DOK6: variants seen among roughly 807,000 people sequenced by gnomAD.
DOK6 encodes downstream of tyrosine kinase 6.
A neutral mutation model predicts 44.0 loss-of-function variants in DOK6; 22 were observed. The observed-to-expected ratio is 0.50, with a 90% CI of 0.36 to 0.71. The LOEUF (loss-of-function observed/expected upper bound fraction) is 0.71. Ranked by LOEUF, DOK6 falls within the 30% of genes least tolerant of loss-of-function variation. The pLI is 0.00. For synonymous variants in DOK6, 166 were observed against 145.5 expected, an observed-to-expected ratio of 1.14 and a Z score of -1.01; for missense variants, 340 against 416.4, an observed-to-expected ratio of 0.82 and a Z score of 1.60.
intron 1 of DOK6, among the ~76,000 whole-genome samples, chr18:69,433,221 TTTTA>T (rs1235733685): frequency 1.3e-5 from 2 of 152,324 alleles, no homozygotes; most frequent in African/African-American, 2.4e-5. Flanking sequence ...TCTGTTAGCA[TTTTA>T]TTTATTAGTG....
intron 1 of DOK6, among the ~76,000 whole-genome samples, chr18:69,452,127 G>C (rs1346245120): frequency 6.6e-6 from 1 of 151,992 alleles, no homozygotes; most frequent in Non-Finnish European, 1.5e-5. Context: ...TCCAGGAGCT[G>C]GTTTTTGGAA....
intron 7 of DOK6, among the ~76,000 whole-genome samples, chr18:69,827,811 T>C (rs1390543382): frequency 6.6e-6 from 1 of 151,996 alleles, no homozygotes; most frequent in African/African-American, 2.4e-5. Context: ...TTGTAACAAA[T>C]CTTTAAGTAT....
At chr18:69,572,415 T>G (rs1250626433) in intron 2 of DOK6, among the ~76,000 whole-genome samples, 1 of 152,074 alleles carries the variant, frequency 6.6e-6, no homozygotes, top group African/African-American at 2.4e-5. Context: ...TTACTTCATA[T>G]ATGTTAAATT....
intron 7 of DOK6, among the ~76,000 whole-genome samples, chr18:69,802,339 GAT>G (rs1414591359): frequency 6.6e-6 from 1 of 152,150 alleles, no homozygotes; most frequent in Non-Finnish European, 1.5e-5. Flanking sequence ...CTCCTTGACT[GAT>G]AATGGAGCTA....
At chr18:69,587,770 A>AACACACACAAACAC (rs1555715083) in intron 2 of DOK6, among the ~76,000 whole-genome samples, 1 of 149,056 alleles carries the variant, frequency 6.7e-6, no homozygotes, top group Non-Finnish European at 1.5e-5. Context: ...TGTAAATTTA[A>AACACACACAAACAC]ACACACACAC....
At chr18:69,513,740 C>A (rs1266326176) in intron 1 of DOK6, among the ~76,000 whole-genome samples, 1 of 152,016 alleles carries the variant, frequency 6.6e-6, no homozygotes. Flanking sequence ...TTCAGTTAAG[C>A]TAAATTGCTT....
At chr18:69,726,678 T>C (rs1041842814) in intron 5 of DOK6, among the ~76,000 whole-genome samples, 14 of 145,080 alleles carry the variant, frequency 9.6e-5, no homozygotes, top group Non-Finnish European at 2.2e-4. Flanking sequence ...TGTGTATATA[T>C]ACATATATTT....
chr18:69,738,576 T>C lies in DOK6; in HGVS notation c.600-389T>C, dbSNP rs550319268. ...ATAAGAATTTTAATGCTCTCAGAAA[T>C]GACATGGTGATAACTGCATAACAGT... On this transcript the variant is annotated intron_variant, in intron 5 of 7. Coordinates refer to ENST00000382713, the MANE Select transcript of DOK6 (RefSeq NM_152721.6). Among the ~76,000 whole-genome samples the C allele has an allele frequency of 2.0e-5, 3 of 152,336 alleles. No individual in the cohort carries two copies. In the East Asian group the frequency reaches 5.8e-4, roughly 29 times the overall value.
chr18:69,744,136 C>T (rs560095415), intron 6 of DOK6, among the ~76,000 whole-genome samples: 62 of 152,138 alleles, frequency 4.1e-4, no homozygotes, highest in African/African-American at 1.4e-3. Flanking sequence ...CATGGTTAAA[C>T]CCCGTCTCTA....
chr18:69,580,144 T>G (rs1032711149), intron 2 of DOK6, among the ~76,000 whole-genome samples: 1 of 152,166 alleles, frequency 6.6e-6, no homozygotes, highest in Non-Finnish European at 1.5e-5. Context: ...GTCAAAAGCC[T>G]GATTCAGACT....
chr18:69,484,151 A>T (rs1980507628), intron 1 of DOK6, among the ~76,000 whole-genome samples: 1 of 151,770 alleles, frequency 6.6e-6, no homozygotes, highest in Non-Finnish European at 1.5e-5. Flanking sequence ...GCCTTTCCAT[A>T]AAAAAAATAA....
At chr18:69,809,387 C>T (rs976310753) in intron 7 of DOK6, among the ~76,000 whole-genome samples, 3 of 151,428 alleles carry the variant, frequency 2.0e-5, no homozygotes, top group Non-Finnish European at 4.4e-5. Context: ...CTCTAAGATA[C>T]AGAACAAGAC....
intron 2 of DOK6, among the ~76,000 whole-genome samples, chr18:69,565,335 T>G (rs1599195341): frequency 6.6e-6 from 1 of 152,130 alleles, no homozygotes; most frequent in East Asian, 1.9e-4. Flanking sequence ...TTATTTTATG[T>G]AATATATTGT....
chr18:69,695,647 G>T (rs1246747184), intron 4 of DOK6, among the ~76,000 whole-genome samples: 2 of 152,176 alleles, frequency 1.3e-5, no homozygotes, highest in Non-Finnish European at 2.9e-5. Flanking sequence ...GTTAAGTATA[G>T]TTAGGTAACA....
At chr18:69,779,452 C>CCACA (rs1980184393) in intron 7 of DOK6, among the ~76,000 whole-genome samples, 3 of 78,726 alleles carry the variant, frequency 3.8e-5, no homozygotes, top group Non-Finnish European at 8.5e-5. Flanking sequence ...CACACACAGT[C>CCACA]TACACACACA....
chr18:69,669,439 T>C (rs1985740081), intron 3 of DOK6, among the ~76,000 whole-genome samples: 1 of 112,778 alleles, frequency 8.9e-6, no homozygotes, highest in Non-Finnish European at 2.1e-5. Flanking sequence ...CATTTTGTTC[T>C]TTTTTATGGC....
chr18:69,446,275 C>G lies in DOK6; in HGVS notation c.66+44965C>G, dbSNP rs62096605. ...CCTGTGTCCAAGTGTTCTCATTGTT[C>G]AATTCCCACCTATGAGTGAGAACAC... On this transcript the variant is annotated intron_variant, in intron 1 of 7. Transcript: ENST00000382713. Among the ~76,000 whole-genome samples the G allele has an allele frequency of 2.1e-5, 3 of 143,726 alleles. No homozygotes were observed. The Admixed American group carries it at 2.2e-4, about 10-fold the overall frequency. The allele number at this position is 143,726 out of a possible 152,430, so 94.3% of individuals were successfully genotyped here. A position where few individuals can be genotyped will look rare whatever the true frequency, so the allele number is the denominator to read the frequency against.
At chr18:69,546,521 A>C (rs1982409102) in intron 1 of DOK6, among the ~76,000 whole-genome samples, 1 of 151,516 alleles carries the variant, frequency 6.6e-6, no homozygotes, top group Non-Finnish European at 1.5e-5. Context: ...ATGAGTTCTT[A>C]CAGTTTGTGG....
intron 1 of DOK6, among the ~76,000 whole-genome samples, chr18:69,555,968 A>G (rs982932044): frequency 2.0e-5 from 3 of 152,238 alleles, no homozygotes; most frequent in Non-Finnish European, 4.4e-5. Context: ...TCATGAATGC[A>G]TATAAATTCA....
Sources: allele counts gnomAD v4.1 joint callset (sites outside exome capture counted in the v4.1 genomes callset), GRCh38; gene constraint gnomAD v4.1.1; transcripts MANE v1.5; gene names NCBI Gene and HGNC (gene_info 2026-07-23, HGNC 2026-07-21).